Variants in KCNQ5 observed in about 807,000 individuals in gnomAD.
KCNQ5 encodes potassium voltage-gated channel subfamily KQT member 5.
Under a neutral mutation model 98.2 loss-of-function variants are expected in KCNQ5, and 30 were observed. That is an observed-to-expected ratio of 0.31 (90% confidence interval 0.23 to 0.41). The LOEUF is 0.41. Among genes scored for constraint, KCNQ5 ranks in the 10% least tolerant of loss-of-function variants. The probability of loss-of-function intolerance (pLI) is 1.00; values close to 1 mark genes in which losing one functional copy is unlikely to be tolerated. For synonymous variants in KCNQ5, 458 were observed against 449.4 expected (o/e 1.02, Z -0.24); for missense variants, 835 against 1,182.5 (o/e 0.71, Z 4.31).
chr6:72,766,742 T>C (rs2154477250), intron 1 of KCNQ5, among the ~76,000 whole-genome samples: 1 of 151,896 alleles, frequency 6.6e-6, no homozygotes, highest in East Asian at 2.0e-4. Context: ...GGGAAAAATA[T>C]GGTATGTTGG....
chr6:72,823,617 G>T (rs907672502), intron 1 of KCNQ5, among the ~76,000 whole-genome samples: 7 of 152,146 alleles, frequency 4.6e-5, no homozygotes, highest in Non-Finnish European at 8.8e-5. Flanking sequence ...CAAGTTGTTG[G>T]CAGGCTCTGG....
At chr6:73,114,761 T>C (rs774472937) in intron 7 of KCNQ5, among the ~76,000 whole-genome samples, 21 of 152,172 alleles carry the variant, frequency 1.4e-4, no homozygotes, top group Non-Finnish European at 2.6e-4. Context: ...CATAAATATA[T>C]GCTTTATTAG....
At position 73,120,250 on chromosome 6, in the gene KCNQ5, T is replaced by C. The variant is rs569386423; in HGVS notation, c.1126-233T>C. On this transcript the variant is annotated intron_variant, in intron 7 of 13. Transcript: ENST00000370398. ...AACAGAGTGAGAGTCCATCTCAAAA[T>C]AAATAAATAATAAAATAAAATAAAA... Among the ~76,000 whole-genome samples the C allele has an allele frequency of 2.6e-5, 4 of 151,848 alleles. No homozygotes were observed. The East Asian group carries it at 7.7e-4, about 29-fold the overall frequency.
chr6:72,622,976 C>T lies in KCNQ5; in HGVS notation c.398+389C>T, dbSNP rs141512057. On this transcript the variant is annotated intron_variant, in intron 1 of 13. Transcript: ENST00000370398. This position sits in a 1 kb window ranked among gnomAD's most constrained non-coding sequence, Gnocchi z 6.0. Reference sequence around the variant, plus strand: ...AGGGAGGACAGGCGCCCGTGTGAGGCTTGAGAGTATACTGGAGAGGTTAGG... The same window carrying T: ...AGGGAGGACAGGCGCCCGTGTGAGGTTTGAGAGTATACTGGAGAGGTTAGG... Among the ~76,000 whole-genome samples the T allele has an allele frequency of 1.9e-4, 29 of 152,096 alleles. No homozygotes were observed. The East Asian group carries it at 5.4e-3, about 28-fold the overall frequency.
chr6:73,179,712 C>A (rs1778339084), intron 11 of KCNQ5, among the ~76,000 whole-genome samples: 1 of 150,962 alleles, frequency 6.6e-6, no homozygotes, highest in South Asian at 2.1e-4. Flanking sequence ...TAATAATATC[C>A]CCATAAATGA....
intron 10 of KCNQ5, among the ~76,000 whole-genome samples, chr6:73,160,923 T>C (rs1777595936): frequency 6.6e-6 from 1 of 152,218 alleles, no homozygotes; most frequent in African/African-American, 2.4e-5. Context: ...GCAGCCAAGG[T>C]TGAAACCCAC....
In KCNQ5 at chr6:72,831,585, G is replaced by T. The variant is rs569999247; in HGVS notation, c.399-172323G>T. 2.0e-5 allele frequency among the ~76,000 whole-genome samples: 3 copies of T among 148,826 alleles called. No individual in the cohort carries two copies. The East Asian group carries it at 6.0e-4, about 30-fold the overall frequency. ...CACACACCGGGGCCTGTCGTGGGAT[G>T]CAGGGAGGGGGGAGGGAAAGCAGTA... On this transcript the variant is annotated intron_variant, in intron 1 of 13. Transcript: ENST00000370398.
intron 12 of KCNQ5, 28 bp from the exon 13 acceptor site, chr6:73,192,536 CA>C (rs1765628280): frequency 1.3e-6 from 2 of 1,585,114 alleles, no homozygotes; most frequent in Non-Finnish European, 1.7e-6. Context: ...CTTCAGCCCT[CA>C]TAATCAGATC....
intron 1 of KCNQ5, among the ~76,000 whole-genome samples, chr6:72,908,921 C>T (rs1361907408): frequency 6.6e-6 from 1 of 152,000 alleles, no homozygotes; most frequent in Admixed American, 6.6e-5. Context: ...TGCTTTACTC[C>T]AATGTTCAAA....
intron 5 of KCNQ5, among the ~76,000 whole-genome samples, chr6:73,086,694 C>G (rs1774000828): frequency 6.6e-6 from 1 of 152,170 alleles, no homozygotes; most frequent in African/African-American, 2.4e-5. Flanking sequence ...AGCTGAGGTT[C>G]CACTTTCTAG....
At chr6:72,891,846 A>C (rs1230124219) in intron 1 of KCNQ5, among the ~76,000 whole-genome samples, 1 of 152,214 alleles carries the variant, frequency 6.6e-6, no homozygotes, top group Non-Finnish European at 1.5e-5. Context: ...AAAATCTGAT[A>C]GTAATCTAGG....
rs768599332 is a variant in KCNQ5, at chr6:73,133,541, C to T, written c.1368C>T (p.Gly456=). 4 of 1,614,076 alleles carry T rather than the reference C, an allele frequency of 2.5e-6. No homozygotes were observed. The African/African-American group carries it at 5.3e-5, about 22-fold the overall frequency. ...CAAGCACCGACATCACAGCCGAGGG[C>T]AGTCCCACCAAAGTGCAGAAGAGCT... ...RSPSTDITAE[G]SPTKVQKSWS... Residue 456 remains glycine (G), a synonymous_variant, in exon 10 of 14, where the codon GGC becomes GGT. Transcript: ENST00000370398.
chr6:72,701,603 G>A (rs974776814), intron 1 of KCNQ5, among the ~76,000 whole-genome samples: 1 of 151,932 alleles, frequency 6.6e-6, no homozygotes, highest in Non-Finnish European at 1.5e-5. Context: ...TTTAGAGTTG[G>A]GGGTCTCATT....
intron 1 of KCNQ5, among the ~76,000 whole-genome samples, chr6:72,744,145 C>T (rs1005745295): frequency 1.3e-5 from 2 of 152,216 alleles, no homozygotes; most frequent in African/African-American, 4.8e-5. Context: ...AAGTAAGTCA[C>T]ATGGCCACAC....
intron 1 of KCNQ5, among the ~76,000 whole-genome samples, chr6:72,709,006 A>T (rs1423041835): frequency 6.6e-6 from 1 of 152,160 alleles, no homozygotes; most frequent in East Asian, 1.9e-4. Flanking sequence ...TTATTAAGTT[A>T]CTTCTACTTT....
chr6:73,124,200 T>C (rs1775857088), intron 8 of KCNQ5, among the ~76,000 whole-genome samples: 2 of 152,224 alleles, frequency 1.3e-5, no homozygotes, highest in Admixed American at 1.3e-4. Context: ...CACTTTTTCT[T>C]AGCCATGGAT....
chr6:72,671,949 C>T (rs1015604639), intron 1 of KCNQ5, among the ~76,000 whole-genome samples: 1 of 151,386 alleles, frequency 6.6e-6, no homozygotes, highest in Admixed American at 6.6e-5. Context: ...CCCAAGTAGC[C>T]AGGACTACAG....
chr6:72,896,654 C>A (rs1779263458), intron 1 of KCNQ5, among the ~76,000 whole-genome samples: 1 of 152,106 alleles, frequency 6.6e-6, no homozygotes, highest in Non-Finnish European at 1.5e-5. Flanking sequence ...TTTAATAACA[C>A]CCACTCCCAG....
chr6:72,698,648 C>CTTCTTTTTTT (rs1554689823), intron 1 of KCNQ5, among the ~76,000 whole-genome samples: 24 of 94,008 alleles, frequency 2.6e-4, no homozygotes, highest in East Asian at 8.5e-4. Flanking sequence ...TCTTCTTCTT[C>CTTCTTTTTTT]TTTTTTTTTT....
Sources: allele counts gnomAD v4.1 joint callset (sites outside exome capture counted in the v4.1 genomes callset), GRCh38; gene constraint gnomAD v4.1.1; non-coding constraint Gnocchi (gnomAD v3.1); transcripts MANE v1.5; gene names NCBI Gene and HGNC (gene_info 2026-07-23, HGNC 2026-07-21).